RAD51B: variants seen among roughly 807,000 people sequenced by gnomAD.
RAD51B encodes the protein RAD51 paralog B, also known as DNA repair protein RAD51 homolog 2.
Under a neutral mutation model 42.2 loss-of-function variants are expected in RAD51B, and 38 were observed. That is an observed-to-expected ratio of 0.90 (90% CI 0.70 to 1.18). The LOEUF (loss-of-function observed/expected upper bound fraction) is 1.18, where lower values mean the gene tolerates loss of function less well. Ranked by LOEUF, RAD51B falls within the 50% of genes most tolerant of loss-of-function variation. RAD51B has a pLI of 0.00. For synonymous variants in RAD51B, 154 were observed against 145.2 expected, an observed-to-expected ratio of 1.06 and a Z score of -0.43; for missense variants, 373 against 400.7, an observed-to-expected ratio of 0.93 and a Z score of 0.59.
chr14:68,069,355 G>C (rs10151115), intron 7 of RAD51B, among the ~76,000 whole-genome samples: 39,334 of 151,978 alleles, frequency 0.26, 6,581 homozygotes, highest in African/African-American at 0.48. Context: ...TGTCACAGGG[G>C]TTTTGTGTAC....
chr14:68,414,893 G>A (rs111554012), intron 9 of RAD51B, among the ~76,000 whole-genome samples: 33,475 of 146,662 alleles, frequency 0.23, 4,132 homozygotes, highest in Non-Finnish European at 0.27. Flanking sequence ...ATAGCCAGGC[G>A]TGGTGGCGCA....
intron 7 of RAD51B, among the ~76,000 whole-genome samples, chr14:67,960,925 C>A (rs893574704): frequency 6.6e-6 from 1 of 151,830 alleles, no homozygotes; most frequent in Non-Finnish European, 1.5e-5. Flanking sequence ...CTTCTTGGTT[C>A]CCCCAAAATG....
At chr14:67,924,695 TG>T (rs1407135219) in intron 7 of RAD51B, among the ~76,000 whole-genome samples, 1 of 152,164 alleles carries the variant, frequency 6.6e-6, no homozygotes, top group East Asian at 1.9e-4. Context: ...CACCTCCCAC[TG>T]GGTCTCTGTC....
In RAD51B at chr14:68,247,467, T is replaced by C. The variant is rs962605960; in HGVS notation, c.757-44417T>C. ...TGCTTAAAGTTACATAGCTAGTTAG[T>C]GCAGGAACGGAAATGAAAAACTATT... On this transcript the variant is annotated intron_variant, in intron 7 of 10. Transcript: ENST00000471583. Among the ~76,000 whole-genome samples, 5 of 152,296 alleles carry C rather than the reference T, an allele frequency of 3.3e-5. No homozygotes were observed. The East Asian group carries it at 5.8e-4, about 18-fold the overall frequency.
At position 68,584,468 on chromosome 14, in the gene RAD51B, C is replaced by T. The variant is rs180722028; in HGVS notation, c.1037-10017C>T. Among the ~76,000 whole-genome samples the T allele has an allele frequency of 1.1e-3, 170 of 152,272 alleles. 1 individual carries two copies. The highest frequency in any genetic ancestry group is 1.6e-3 in the Non-Finnish European group (109 of 67,996). On this transcript the variant is annotated intron_variant, in intron 10 of 10. Transcript: ENST00000487270. ...AGCAAGCCTCTTTGCTTCTCTCTAA[C>T]GCTCATGCTCCCATAGCATTGCCCT...
chr14:68,577,029 C>T (rs1300630165), intron 10 of RAD51B, among the ~76,000 whole-genome samples: 1 of 152,216 alleles, frequency 6.6e-6, no homozygotes, highest in Non-Finnish European at 1.5e-5. Flanking sequence ...TCTGTCAGAA[C>T]ACAAGACCAA....
At chr14:68,131,659 TCACTC>T (rs1184242088) in intron 7 of RAD51B, among the ~76,000 whole-genome samples, 6 of 152,074 alleles carry the variant, frequency 3.9e-5, no homozygotes, top group African/African-American at 1.4e-4. Context: ...TCATGCCACT[TCACTC>T]CAGCCTAGGT....
chr14:68,349,377 AT>A (rs1365549402), intron 8 of RAD51B, among the ~76,000 whole-genome samples: 1 of 151,060 alleles, frequency 6.6e-6, no homozygotes, highest in African/African-American at 2.4e-5. Flanking sequence ...TTATTTTTTC[AT>A]TTTTTTTGGA....
At chr14:68,669,039 C>T (rs942183223) in intron 11 of RAD51B, among the ~76,000 whole-genome samples, 5 of 152,178 alleles carry the variant, frequency 3.3e-5, no homozygotes, top group Non-Finnish European at 4.4e-5. Flanking sequence ...TGCTAGAGTC[C>T]AGAAAGAGTC....
intron 8 of RAD51B, among the ~76,000 whole-genome samples, chr14:68,305,250 C>T (rs7159500): frequency 6.6e-6 from 1 of 152,204 alleles, no homozygotes; most frequent in African/African-American, 2.4e-5. Context: ...TCCATTCATT[C>T]AATTGTTCAT....
intron 7 of RAD51B, among the ~76,000 whole-genome samples, chr14:67,996,565 G>T (rs973721954): frequency 2.8e-4 from 42 of 152,306 alleles, no homozygotes; most frequent in African/African-American, 9.9e-4. Context: ...AAGGCTGCAA[G>T]ATGAGAGCAT....
chr14:68,489,131 T>G (rs1254351371), intron 10 of RAD51B, among the ~76,000 whole-genome samples: 1 of 151,984 alleles, frequency 6.6e-6, no homozygotes, highest in Non-Finnish European at 1.5e-5. Context: ...CTTTTTTTTT[T>G]TTTATTAAAT....
At position 68,560,007 on chromosome 14, in the gene RAD51B, A is replaced by G. The variant is rs941255676; in HGVS notation, c.1037-34478A>G. 2.6e-5 allele frequency among the ~76,000 whole-genome samples: 4 copies of G among 152,302 alleles called. No homozygotes were observed. The South Asian group carries it at 6.2e-4, about 24-fold the overall frequency. ...GCTTGTCCAAGTCCACATGGACACA[A>G]ACAGTTCTAGAAGTCACACTGCCAC... On this transcript the variant is annotated intron_variant, in intron 10 of 10. Coordinates refer to the RAD51B transcript ENST00000487270.
intron 7 of RAD51B, among the ~76,000 whole-genome samples, chr14:68,100,748 T>C (rs8008413): frequency 0.084 from 12,782 of 152,210 alleles, 1,578 homozygotes; most frequent in African/African-American, 0.27. Context: ...TTAGAGATCA[T>C]TGCCCTCTTC....
At chr14:68,523,142 C>T (rs966580979) in intron 10 of RAD51B, among the ~76,000 whole-genome samples, 1 of 152,198 alleles carries the variant, frequency 6.6e-6, no homozygotes, top group Non-Finnish European at 1.5e-5. Flanking sequence ...TTCTTGGTCC[C>T]TGAAGTTCTT....
At chr14:68,440,038 G>A (rs995449180) in intron 9 of RAD51B, among the ~76,000 whole-genome samples, 1 of 152,200 alleles carries the variant, frequency 6.6e-6, no homozygotes, top group Non-Finnish European at 1.5e-5. Context: ...ATTATTAAGC[G>A]GTTAGTGATG....
chr14:68,007,514 ATT>A (rs770024515), intron 7 of RAD51B, among the ~76,000 whole-genome samples: 3 of 151,628 alleles, frequency 2.0e-5, no homozygotes, highest in Non-Finnish European at 4.4e-5. Context: ...AACGCTTTTT[ATT>A]TTCCTTACAA....
chr14:68,284,208 C>T (rs1292807909), intron 7 of RAD51B, among the ~76,000 whole-genome samples: 1 of 152,218 alleles, frequency 6.6e-6, no homozygotes, highest in Non-Finnish European at 1.5e-5. Context: ...TGGAAGCATT[C>T]TCACCATAAA....
At chr14:68,305,896 A>G (rs1230290066) in intron 8 of RAD51B, among the ~76,000 whole-genome samples, 1 of 152,190 alleles carries the variant, frequency 6.6e-6, no homozygotes, top group Non-Finnish European at 1.5e-5. Flanking sequence ...GTGGTGGATG[A>G]CTGTTTTTCT....
Sources: gnomAD v4.1 joint callset for allele counts (sites outside exome capture counted in the v4.1 genomes callset) on GRCh38, gnomAD v4.1.1 for gene constraint, MANE v1.5 for transcripts, NCBI Gene and HGNC (gene_info 2026-07-23, HGNC 2026-07-21) for gene names.